Variants in MAP3K14 observed in about 807,000 individuals in gnomAD.
MAP3K14 encodes the protein mitogen-activated protein kinase kinase kinase 14, also known as NF-kappa-beta-inducing kinase.
Under a neutral mutation model 99.2 loss-of-function variants are expected in MAP3K14, and 16 were observed. The ratio of observed to expected loss-of-function variants is 0.16; its 90% CI spans 0.11 to 0.24. The LOEUF (loss-of-function observed/expected upper bound fraction) is 0.24. Ranked by LOEUF, MAP3K14 falls within the 10% of genes least tolerant of loss-of-function variation. The pLI is 1.00. For missense variants in MAP3K14, 784 were observed against 1,208.7 expected, an observed-to-expected ratio of 0.65 and a Z score of 5.21; for synonymous variants, 462 against 492.4, an observed-to-expected ratio of 0.94 and a Z score of 0.82.
chr17:45,291,255 G>C (rs148969814), intron 1 of MAP3K14, among the ~76,000 whole-genome samples: 1 of 152,192 alleles, frequency 6.6e-6, no homozygotes, highest in East Asian at 1.9e-4. Flanking sequence ...CAAGTGGAGA[G>C]AAGCAAGGTT....
intron 1 of MAP3K14, among the ~76,000 whole-genome samples, chr17:45,304,204 A>C (rs1421420148): frequency 2.0e-5 from 3 of 151,766 alleles, no homozygotes; most frequent in African/African-American, 7.3e-5. Context: ...GGGTTTCACC[A>C]TGTTGGTCAG....
At chr17:45,299,159 C>A (rs949230416) in intron 1 of MAP3K14, among the ~76,000 whole-genome samples, 1 of 152,090 alleles carries the variant, frequency 6.6e-6, no homozygotes, top group Non-Finnish European at 1.5e-5. Flanking sequence ...TCATATACCC[C>A]CAGGGTTTAA....
rs1353798789 is a variant in MAP3K14 at position 45,274,144 on chromosome 17, T to C, written c.1531A>G (p.Ile511Val). ...TTACCTTTGACGTCCCCATGCAGAA[T>C]CCTTCGTGAGTGGAGGTATTCCAGA... ...EGLEYLHSRR[I>V]LHGDVKADNV... Residue 511 changes from isoleucine to valine, a missense_variant, in exon 8 of 16, where the codon ATT becomes GTT. By Grantham distance (29) the Ile-to-Val change is conservative. Around this residue, in one of 5 missense-constraint regions of MAP3K14, gnomAD observed 200 missense variants for 367.9 expected, o/e 0.54. Coordinates refer to ENST00000344686, the MANE Select transcript of MAP3K14 (RefSeq NM_003954.5). 1 of 1,608,878 alleles carries C rather than the reference T, an allele frequency of 6.2e-7. No homozygotes were observed. The highest frequency in any genetic ancestry group is 1.3e-5 in the African/African-American group (1 of 74,980).
In MAP3K14 at chr17:45,263,741, AG is replaced by A. The variant is rs2044040873; in HGVS notation, c.*894del. 1 of 152,646 alleles carries A rather than the reference AG, an allele frequency of 6.6e-6. No homozygotes were observed. The highest frequency in any genetic ancestry group is 6.5e-5 in the Admixed American group (1 of 15,292). The allele number at this position is 152,646 out of a possible 1,614,324, so 9.5% of individuals were successfully genotyped here. Reference sequence around the variant, plus strand: ...ACTGATAGTGGGGCTGGGGCGCCGGAGCGTCTCTCTCTGCTGCTTTCCTTAG... The same window carrying A: ...ACTGATAGTGGGGCTGGGGCGCCGGACGTCTCTCTCTGCTGCTTTCCTTAG... On this transcript the variant is annotated 3_prime_UTR_variant, in exon 16 of 16. Coordinates refer to ENST00000344686, the MANE Select transcript of MAP3K14 (RefSeq NM_003954.5).
chr17:45,264,482 T>C lies in MAP3K14; in HGVS notation c.*154A>G, dbSNP rs1024140994. 8 of 902,386 alleles carry C rather than the reference T, an allele frequency of 8.9e-6. No individual in the cohort carries two copies. Among genetic ancestry groups the C allele is most frequent in the Non-Finnish European group, 1.1e-5 (7 of 619,596 alleles). The allele number at this position is 902,386 out of a possible 1,614,324, so 55.9% of individuals were successfully genotyped here. The stretch of plus-strand genomic sequence containing the variant: ...GTGAAATCCTGGGAGGCATTCTGCT[T>C]GCCCCCACCTTGCTGCTGCGAGGCC... On this transcript the variant is annotated 3_prime_UTR_variant, in exon 16 of 16. Coordinates refer to ENST00000344686, the MANE Select transcript of MAP3K14 (RefSeq NM_003954.5).
At chr17:45,289,398 C>T in intron 2 of MAP3K14, 93 bp from the exon 3 acceptor site, 2 of 975,930 alleles carry the variant, frequency 2.0e-6, no homozygotes, top group Non-Finnish European at 3.2e-6. Flanking sequence ...CCTCTGGCGC[C>T]TCTCCTTCCC....
At chr17:45,299,395 T>G (rs1352312) in intron 1 of MAP3K14, among the ~76,000 whole-genome samples, 47,111 of 150,578 alleles carry the variant, frequency 0.31, 7,829 homozygotes, top group East Asian at 0.64. Flanking sequence ...TTTATGAAAA[T>G]AAAAAAAAAG....
intron 1 of MAP3K14, among the ~76,000 whole-genome samples, chr17:45,296,591 G>A (rs913004271): frequency 1.3e-5 from 2 of 152,158 alleles, no homozygotes; most frequent in Admixed American, 6.5e-5. Flanking sequence ...AGAGCAAGCT[G>A]GCCTGGCAAA....
chr17:45,307,265 T>TTA (rs1568002215), intron 1 of MAP3K14, among the ~76,000 whole-genome samples: 5 of 148,144 alleles, frequency 3.4e-5, no homozygotes, highest in South Asian at 2.1e-4. Context: ...CTCAAAAAAT[T>TTA]AAAAAAAAAA....
In MAP3K14 at chr17:45,290,702, G is replaced by T. The variant is rs2044303408; in HGVS notation, c.44C>A (p.Ala15Glu). 1.9e-6 allele frequency: 3 copies of T among 1,613,386 alleles called. No homozygotes were observed. Among genetic ancestry groups the T allele is most frequent in the Middle Eastern group, 1.6e-4 (1 of 6,062 alleles). ...EMACPGAPGS[A>E]VGQQKELPKA... The stretch of plus-strand genomic sequence containing the variant: ...GGGGAGTTCCTTCTGCTGCCCCACT[G>T]CTGAGCCAGGGGCACCTGGGCAGGC... Residue 15 changes from alanine (A) to glutamate (E), a missense_variant, in exon 2 of 16, where the codon GCA (alanine) becomes GAA (glutamate). By Grantham distance (107) the Ala-to-Glu change is moderately radical. Around this residue, in one of 5 missense-constraint regions of MAP3K14, gnomAD observed 188 missense variants for 313.0 expected, o/e 0.60. Transcript: ENST00000344686.
intron 6 of MAP3K14, chr17:45,281,856 G>C (rs1414791731): frequency 6.6e-6 from 1 of 151,476 alleles, no homozygotes; most frequent in Non-Finnish European, 1.5e-5. Flanking sequence ...CTTGGCCAGA[G>C]GCTGGTCTTG....
At chr17:45,287,459 G>T in intron 3 of MAP3K14, 95 bp from the exon 4 acceptor site, 1 of 1,055,038 alleles carries the variant, frequency 9.5e-7, no homozygotes, top group Non-Finnish European at 1.4e-6. Flanking sequence ...CAGATCCAAG[G>T]TCAAATCCCA....
Position 45,286,605 on chromosome 17 carries a change from A to C in MAP3K14, c.978T>G (p.Gly326=). The C allele has an allele frequency of 6.2e-7, 1 of 1,611,410 alleles. No homozygotes were observed. Among genetic ancestry groups the C allele is most frequent in the Non-Finnish European group, 8.5e-7 (1 of 1,178,988 alleles). The change falls in exon 5 of 16, where the codon GGT becomes GGG. Residue 326 remains glycine, a synonymous_variant. Coordinates refer to ENST00000344686, the MANE Select transcript of MAP3K14 (RefSeq NM_003954.5). The surrounding 1 kb of genome is among the most constrained non-coding windows in gnomAD (Gnocchi z 4.1). The stretch of plus-strand genomic sequence containing the variant: ...CCTCCACAGAAAACTTCTCATGGGC[A>C]CCACGAGACAGGCAGCTGGGCTCCA... ...PHLEPSCLSR[G]AHEKFSVEEY...
intron 1 of MAP3K14, among the ~76,000 whole-genome samples, chr17:45,302,122 C>T (rs79442196): frequency 0.099 from 14,862 of 150,646 alleles, 895 homozygotes; most frequent in Admixed American, 0.15. Flanking sequence ...TGAGCCACTG[C>T]GCCCGACCTT....
rs2074290 is a variant in MAP3K14, at chr17:45,285,089, C to T, written c.1153-140G>A. 2.4e-3 allele frequency: 2,138 copies of T among 883,372 alleles called. 30 individuals are homozygous for T. In the East Asian group the frequency reaches 0.034, roughly 14 times the overall value. 54.7% of individuals were successfully genotyped at this position (883,372 alleles called of 1,614,324 possible). ...CCCTCACAACCAGGCAGCCCTGGGGCGAAGGCAGGGATCTGAGCCGGGCAG... is the reference window on the plus strand; with the variant it reads ...CCCTCACAACCAGGCAGCCCTGGGGTGAAGGCAGGGATCTGAGCCGGGCAG... On this transcript the variant is annotated intron_variant, in intron 5 of 15. Coordinates refer to ENST00000344686, the MANE Select transcript of MAP3K14 (RefSeq NM_003954.5).
At chr17:45,289,765 AAACC>A (rs1247372583) in intron 2 of MAP3K14, among the ~76,000 whole-genome samples, 1 of 152,174 alleles carries the variant, frequency 6.6e-6, no homozygotes, top group Non-Finnish European at 1.5e-5. Flanking sequence ...CTCTCCTCAA[AAACC>A]AACCAGGAGG....
chr17:45,294,938 C>A (rs1279590733), intron 1 of MAP3K14, among the ~76,000 whole-genome samples: 2 of 152,210 alleles, frequency 1.3e-5, no homozygotes, highest in Non-Finnish European at 2.9e-5. Context: ...ACATGTCCAG[C>A]ATTGCAGAAA....
At chr17:45,271,832 T>C (rs1012197035) in intron 9 of MAP3K14, among the ~76,000 whole-genome samples, 2 of 152,234 alleles carry the variant, frequency 1.3e-5, no homozygotes, top group Admixed American at 1.3e-4. Context: ...ACAAATTAGG[T>C]TGTAGAAGGC....
At chr17:45,307,413 A>T (rs2044439025) in intron 1 of MAP3K14, among the ~76,000 whole-genome samples, 1 of 152,082 alleles carries the variant, frequency 6.6e-6, no homozygotes, top group Non-Finnish European at 1.5e-5. Flanking sequence ...CAAAGATTAG[A>T]TGGCCATAAT....
Sources: allele counts gnomAD v4.1 joint callset (sites outside exome capture counted in the v4.1 genomes callset), GRCh38; gene constraint gnomAD v4.1.1; regional missense constraint gnomAD v4.1.1; non-coding constraint Gnocchi (gnomAD v3.1); transcripts MANE v1.5; gene names NCBI Gene and HGNC (gene_info 2026-07-23, HGNC 2026-07-21).